Variants in ATP6V1E1 observed in about 807,000 individuals in gnomAD.
ATP6V1E1 encodes the protein V-type proton ATPase subunit E 1.
ATP6V1E1 carries 21 observed loss-of-function variants against 35.2 expected under a neutral mutation model. The ratio of observed to expected loss-of-function variants is 0.60; its 90% CI spans 0.42 to 0.86. The LOEUF is 0.86. ATP6V1E1 is among the 40% of genes least tolerant of loss of function. ATP6V1E1 has a pLI of 0.00. For missense variants in ATP6V1E1, 183 were observed against 272.6 expected (o/e 0.67, Z 2.32); for synonymous variants, 83 against 87.8 (o/e 0.95, Z 0.30).
chr22:17,606,137 C>T (rs4239846), intron 4 of ATP6V1E1, among the ~76,000 whole-genome samples: 6 of 151,892 alleles, frequency 4.0e-5, no homozygotes, highest in Non-Finnish European at 8.8e-5. Flanking sequence ...TCAACACAGA[C>T]AAATATCTAT....
chr22:17,623,743 C>T (rs149058229), intron 1 of ATP6V1E1, among the ~76,000 whole-genome samples: 8 of 152,102 alleles, frequency 5.3e-5, no homozygotes, highest in Admixed American at 3.3e-4. Context: ...AAAGGTGAAC[C>T]CTGATTCGGA....
chr22:17,594,306 AT>A (rs1377308690), intron 8 of ATP6V1E1, among the ~76,000 whole-genome samples: 1 of 152,204 alleles, frequency 6.6e-6, no homozygotes, highest in African/African-American at 2.4e-5. Flanking sequence ...ACATATTCGA[AT>A]CCTAGGTCAA....
At chr22:17,602,872 A>C (rs1427699667) in intron 4 of ATP6V1E1, among the ~76,000 whole-genome samples, 2 of 152,238 alleles carry the variant, frequency 1.3e-5, no homozygotes, top group Non-Finnish European at 2.9e-5. Context: ...ACTCATTTAT[A>C]ATTGTAAATA....
chr22:17,621,343 T>C (rs1012299771), intron 1 of ATP6V1E1, among the ~76,000 whole-genome samples: 2 of 152,224 alleles, frequency 1.3e-5, no homozygotes, highest in African/African-American at 4.8e-5. Context: ...AGACAGGGTC[T>C]CTGTCTCCCA....
At chr22:17,595,061 T>G (rs939954591) in intron 7 of ATP6V1E1, 3 of 152,120 alleles carry the variant, frequency 2.0e-5, no homozygotes, top group African/African-American at 4.8e-5. Context: ...TCAATTTGTT[T>G]TGTTTTTTTT....
upstream of ATP6V1E1, chr22:17,628,775 G>T (rs1400231895): frequency 2.7e-6 from 3 of 1,131,338 alleles, no homozygotes; most frequent in Admixed American, 3.7e-5. Context: ...TTCCTGCCAG[G>T]TGACTGCACA....
At chr22:17,615,061 C>T (rs1183892493) in intron 2 of ATP6V1E1, among the ~76,000 whole-genome samples, 6 of 150,154 alleles carry the variant, frequency 4.0e-5, no homozygotes, top group Non-Finnish European at 7.4e-5. Context: ...TCAGCAGTTT[C>T]GGAGGCTGAG....
chr22:17,619,370 T>C (rs1188059522), intron 2 of ATP6V1E1, 91 bp downstream of exon 2: 10 of 1,106,670 alleles, frequency 9.0e-6, no homozygotes, highest in Middle Eastern at 2.0e-4. Flanking sequence ...ATGCAATCTG[T>C]TGTTAAGCAG....
intron 6 of ATP6V1E1, among the ~76,000 whole-genome samples, chr22:17,599,000 AT>A (rs2057747540): frequency 6.6e-6 from 1 of 152,220 alleles, no homozygotes; most frequent in South Asian, 2.1e-4. Flanking sequence ...AAGGAAGGCC[AT>A]TCTGACCCAC....
chr22:17,605,462 G>C (rs937207937), intron 4 of ATP6V1E1, among the ~76,000 whole-genome samples: 56 of 151,764 alleles, frequency 3.7e-4, no homozygotes, highest in Non-Finnish European at 6.5e-4. Context: ...CCCAGGAGGC[G>C]GGGGGTGCAG....
intron 1 of ATP6V1E1, among the ~76,000 whole-genome samples, chr22:17,622,779 A>G (rs1441828137): frequency 6.6e-6 from 1 of 152,166 alleles, no homozygotes; most frequent in Non-Finnish European, 1.5e-5. Context: ...CAGCCTGGCC[A>G]AGATGGAGAA....
rs543393886 is a variant in ATP6V1E1 at position 17,620,174 on chromosome 22, G to T, written c.34-648C>A. Among the ~76,000 whole-genome samples, 35 of 147,610 alleles carry T rather than the reference G, an allele frequency of 2.4e-4. 1 individual carries two copies. The highest frequency in any genetic ancestry group is 1.5e-3 in the South Asian group (7 of 4,702). ...TGTTTTTTTTTTTTTTTGAGACAGAGTCTCGCTCTGCCACCCAGGCTGGAG... is the reference window on the plus strand; with the variant it reads ...TGTTTTTTTTTTTTTTTGAGACAGATTCTCGCTCTGCCACCCAGGCTGGAG... On this transcript the variant is annotated intron_variant, in intron 1 of 8. Coordinates refer to ENST00000253413, the MANE Select transcript of ATP6V1E1 (RefSeq NM_001696.4).
chr22:17,598,823 T>C (rs2057746654), intron 6 of ATP6V1E1, among the ~76,000 whole-genome samples: 1 of 152,142 alleles, frequency 6.6e-6, no homozygotes, highest in South Asian at 2.1e-4. Flanking sequence ...TACTTCTGGG[T>C]ATACAGACAA....
Position 17,595,484 on chromosome 22 carries a change from CCTG to C in ATP6V1E1, c.531-871_531-869del, listed in dbSNP as rs375186141. ...ATCTGAATGTTTTCTTAAGCCCAAT[CCTG>C]CTCATTACTGATGAGGCCCTATCAC... On this transcript the variant is annotated intron_variant, in intron 7 of 8. Coordinates refer to ENST00000253413, the MANE Select transcript of ATP6V1E1 (RefSeq NM_001696.4). Among the ~76,000 whole-genome samples, 1,078 of 152,298 alleles carry C rather than the reference CCTG, an allele frequency of 7.1e-3. 12 individuals are homozygous for C. Among genetic ancestry groups the C allele is most frequent in the African/African-American group, 0.025 (1,021 of 41,568 alleles).
chr22:17,614,521 A>G (rs2057832375), intron 2 of ATP6V1E1, among the ~76,000 whole-genome samples: 1 of 151,554 alleles, frequency 6.6e-6, no homozygotes, highest in African/African-American at 2.4e-5. Flanking sequence ...ACACACAAAA[A>G]TTAGCCGCGC....
At chr22:17,616,630 G>C (rs2057846433) in intron 2 of ATP6V1E1, among the ~76,000 whole-genome samples, 1 of 136,758 alleles carries the variant, frequency 7.3e-6, no homozygotes, top group Admixed American at 7.8e-5. Context: ...GGTGAGCTGA[G>C]ATCGCGCCAC....
chr22:17,614,242 C>T (rs1235591369), intron 2 of ATP6V1E1, among the ~76,000 whole-genome samples: 1 of 151,640 alleles, frequency 6.6e-6, no homozygotes, highest in African/African-American at 2.4e-5. Flanking sequence ...CCCAGCTAGT[C>T]GGAAGGCTGA....
intron 7 of ATP6V1E1, 27 bp downstream of exon 7, chr22:17,598,167 G>A: frequency 6.4e-7 from 1 of 1,553,504 alleles, no homozygotes; most frequent in Non-Finnish European, 8.9e-7. Flanking sequence ...AGAGAAGGTA[G>A]CTGTTAGCAG....
chr22:17,605,798 A>G (rs1165662130), intron 4 of ATP6V1E1, among the ~76,000 whole-genome samples: 1 of 146,994 alleles, frequency 6.8e-6, no homozygotes, highest in Non-Finnish European at 1.5e-5. Flanking sequence ...CCTCCAGAGT[A>G]GCTGGGACAC....
Sources: gnomAD v4.1 joint callset for allele counts (sites outside exome capture counted in the v4.1 genomes callset) on GRCh38, gnomAD v4.1.1 for gene constraint, MANE v1.5 for transcripts, NCBI Gene and HGNC (gene_info 2026-07-23, HGNC 2026-07-21) for gene names.